PACRG: variants seen among roughly 807,000 people sequenced by gnomAD.
PACRG encodes parkin coregulated gene protein.
In PACRG, 29 loss-of-function variants were observed where a neutral mutation model predicts 29.7. The observed-to-expected ratio is 0.98, with a 90% CI of 0.73 to 1.33. PACRG has a LOEUF of 1.33. PACRG is among the 40% of genes most tolerant of loss of function. The pLI is 0.00. For synonymous variants in PACRG, 116 were observed against 118.7 expected (o/e 0.98, Z 0.15); for missense variants, 279 against 316.2 (o/e 0.88, Z 0.89).
Position 163,055,746 on chromosome 6 carries a change from G to T in PACRG, c.292-6404G>T, listed in dbSNP as rs547661. Among the ~76,000 whole-genome samples the T allele has an allele frequency of 0.57, 87,015 of 151,586 alleles. 26,717 individuals are homozygous for T. The highest frequency in any genetic ancestry group is 0.96 in the East Asian group (4,937 of 5,140). ...TTTTTAAGTGTACACTTCAGTGGCAGTAAGTACTCTCATACAGTGTGACCA... is the reference window on the plus strand; with the variant it reads ...TTTTTAAGTGTACACTTCAGTGGCATTAAGTACTCTCATACAGTGTGACCA... On this transcript the variant is annotated intron_variant, in intron 2 of 4. Transcript: ENST00000366888. The surrounding 1 kb of genome is among the most constrained non-coding windows in gnomAD (Gnocchi z 4.0).
intron 4 of PACRG, among the ~76,000 whole-genome samples, chr6:163,152,642 C>G (rs1041467622): frequency 1.3e-5 from 2 of 152,196 alleles, no homozygotes; most frequent in African/African-American, 4.8e-5. Context: ...CATCTACATT[C>G]TATTTCTTAC....
chr6:163,180,463 TA>T (rs2128353270), intron 4 of PACRG, among the ~76,000 whole-genome samples: 1 of 152,158 alleles, frequency 6.6e-6, no homozygotes, highest in East Asian at 1.9e-4. Context: ...AAAACACTGC[TA>T]AAAAGTTTCA....
In PACRG at chr6:163,053,607, C is replaced by T. The variant is rs370513016; in HGVS notation, c.292-8543C>T. Among the ~76,000 whole-genome samples the T allele has an allele frequency of 1.8e-4, 27 of 152,274 alleles. 2 individuals are homozygous for T. The highest frequency in any genetic ancestry group is 6.0e-4 in the African/African-American group (25 of 41,564). On this transcript the variant is annotated intron_variant, in intron 2 of 4. Coordinates refer to ENST00000366888, the MANE Select transcript of PACRG (RefSeq NM_001080379.2). The stretch of plus-strand genomic sequence containing the variant: ...AAAACACAAGCACCCGGAAGCCTAT[C>T]TTGTCTATTATAATAGTCATAAAAT...
chr6:162,745,847 C>G (rs1780948911), intron 1 of PACRG, among the ~76,000 whole-genome samples: 1 of 151,984 alleles, frequency 6.6e-6, no homozygotes, highest in Non-Finnish European at 1.5e-5. Context: ...AGAATCATAG[C>G]CTAAACACAA....
intron 2 of PACRG, among the ~76,000 whole-genome samples, chr6:162,858,239 C>T (rs531402588): frequency 3.8e-4 from 58 of 152,114 alleles, no homozygotes; most frequent in South Asian, 2.5e-3. Flanking sequence ...TTAACAATCA[C>T]GGTGGAAGGC....
chr6:163,241,462 G>A (rs1260873025), intron 4 of PACRG, among the ~76,000 whole-genome samples: 1 of 152,182 alleles, frequency 6.6e-6, no homozygotes, highest in East Asian at 1.9e-4. Context: ...ATCTGACCTG[G>A]CCCTCTTGGG....
At chr6:163,223,631 G>T (rs73597553) in intron 4 of PACRG, among the ~76,000 whole-genome samples, 2,436 of 152,218 alleles carry the variant, frequency 0.016, 54 homozygotes, top group African/African-American at 0.055. Context: ...CTAAATCAAG[G>T]GTTACAGGAG....
chr6:163,038,901 G>T (rs1252790126), intron 2 of PACRG, among the ~76,000 whole-genome samples: 1 of 151,786 alleles, frequency 6.6e-6, no homozygotes, highest in Non-Finnish European at 1.5e-5. Flanking sequence ...CCATAAAATT[G>T]TGTGTTTCAG....
intron 2 of PACRG, among the ~76,000 whole-genome samples, chr6:162,844,529 G>T (rs144928732): frequency 1.3e-5 from 2 of 152,190 alleles, no homozygotes; most frequent in Admixed American, 6.5e-5. Flanking sequence ...CGGTACCTCC[G>T]ATGGAAATGC....
chr6:163,112,153 G>A (rs1417580394), intron 4 of PACRG: 20 of 521,038 alleles, frequency 3.8e-5, no homozygotes, highest in Non-Finnish European at 4.9e-5. Context: ...GACAACAATT[G>A]CATTGACAGA....
intron 2 of PACRG, among the ~76,000 whole-genome samples, chr6:162,857,616 C>G (rs1791510149): frequency 6.6e-6 from 1 of 152,156 alleles, no homozygotes; most frequent in Non-Finnish European, 1.5e-5. Context: ...GTCATTCATG[C>G]ATGAAGTAAC....
chr6:163,038,673 A>G (rs1808420820), intron 2 of PACRG, among the ~76,000 whole-genome samples: 1 of 152,212 alleles, frequency 6.6e-6, no homozygotes, highest in Non-Finnish European at 1.5e-5. Flanking sequence ...GGAATATGCC[A>G]TCCAGGGCTC....
intron 4 of PACRG, among the ~76,000 whole-genome samples, chr6:163,141,446 T>G (rs1409364714): frequency 4.1e-4 from 30 of 72,896 alleles, no homozygotes; most frequent in East Asian, 2.9e-3. Flanking sequence ...ATGTATGTGT[T>G]TTTTTTTTTT....
At chr6:162,946,580 A>C (rs1403152538) in intron 2 of PACRG, among the ~76,000 whole-genome samples, 1 of 152,066 alleles carries the variant, frequency 6.6e-6, no homozygotes, top group Admixed American at 6.6e-5. Flanking sequence ...ACTAACACCA[A>C]TTCTCAAACT....
chr6:163,141,797 C>A (rs1817163269), intron 4 of PACRG, among the ~76,000 whole-genome samples: 1 of 151,888 alleles, frequency 6.6e-6, no homozygotes, highest in Non-Finnish European at 1.5e-5. Context: ...AAAGTAAAAG[C>A]TAACAAAGTG....
chr6:163,086,716 T>C (rs1813593908), intron 3 of PACRG, among the ~76,000 whole-genome samples: 1 of 152,272 alleles, frequency 6.6e-6, no homozygotes, highest in South Asian at 2.1e-4. Context: ...TGATATCTTA[T>C]ATTCTAGGAC....
At chr6:163,022,118 A>G (rs997022486) in intron 2 of PACRG, among the ~76,000 whole-genome samples, 1 of 152,160 alleles carries the variant, frequency 6.6e-6, no homozygotes, top group African/African-American at 2.4e-5. Context: ...CAGTGGGGCA[A>G]GTGCACTCAG....
At chr6:162,844,405 C>G (rs1790152740) in intron 2 of PACRG, among the ~76,000 whole-genome samples, 2 of 152,258 alleles carry the variant, frequency 1.3e-5, no homozygotes, top group African/African-American at 2.4e-5. Flanking sequence ...GGGGAACTCC[C>G]TGACCCCTTG....
chr6:163,224,306 T>G (rs933075991), intron 4 of PACRG, among the ~76,000 whole-genome samples: 1 of 139,516 alleles, frequency 7.2e-6, no homozygotes, highest in African/African-American at 2.7e-5. Flanking sequence ...GATATGGAGC[T>G]TGTGGTGAGC....
Sources: allele counts gnomAD v4.1 joint callset (sites outside exome capture counted in the v4.1 genomes callset), GRCh38; gene constraint gnomAD v4.1.1; non-coding constraint Gnocchi (gnomAD v3.1); transcripts MANE v1.5; gene names NCBI Gene and HGNC (gene_info 2026-07-23, HGNC 2026-07-21).